ACTN1: variants seen among roughly 807,000 people sequenced by gnomAD.
ACTN1 encodes alpha-actinin-1.
Under a neutral mutation model 119.6 loss-of-function variants are expected in ACTN1, and 30 were observed. That is an observed-to-expected ratio of 0.25 (90% CI 0.19 to 0.34). The LOEUF (loss-of-function observed/expected upper bound fraction) is 0.34, where lower values mean the gene tolerates loss of function less well. ACTN1 is among the 10% of genes least tolerant of loss of function. ACTN1 has a pLI of 1.00. For synonymous variants in ACTN1, 429 were observed against 472.6 expected (o/e 0.91, Z 1.20); for missense variants, 764 against 1,223.4 (o/e 0.62, Z 5.60).
chr14:68,944,674 G>A (rs2035875740), intron 1 of ACTN1, among the ~76,000 whole-genome samples: 1 of 152,160 alleles, frequency 6.6e-6, no homozygotes, highest in Non-Finnish European at 1.5e-5. Context: ...GCTGTAGGGG[G>A]GCAGTGTGTC....
At chr14:68,895,450 G>T (rs1475741245) in intron 8 of ACTN1, among the ~76,000 whole-genome samples, 1 of 152,186 alleles carries the variant, frequency 6.6e-6, no homozygotes, top group Non-Finnish European at 1.5e-5. Context: ...GTGGGGCCAT[G>T]GGAACCAGGC....
intron 1 of ACTN1, chr14:68,936,777 G>A: frequency 1.6e-6 from 1 of 612,544 alleles, no homozygotes. Flanking sequence ...CCTCTTCCAG[G>A]AATGGCTGAA....
intron 1 of ACTN1, among the ~76,000 whole-genome samples, chr14:68,927,631 C>A (rs1398706308): frequency 2.6e-5 from 4 of 152,052 alleles, no homozygotes; most frequent in African/African-American, 4.8e-5. Context: ...CTCTTAGGGA[C>A]CCCCTGGACA....
At chr14:68,968,805 C>T (rs1437889726) in intron 1 of ACTN1, among the ~76,000 whole-genome samples, 1 of 152,212 alleles carries the variant, frequency 6.6e-6, no homozygotes, top group African/African-American at 2.4e-5. Flanking sequence ...GTGAGGATTA[C>T]ATTAATAGCT....
chr14:68,963,101 G>A (rs991554955), intron 1 of ACTN1, among the ~76,000 whole-genome samples: 8 of 151,798 alleles, frequency 5.3e-5, no homozygotes, highest in Admixed American at 2.0e-4. Flanking sequence ...ACCCTTTGCA[G>A]GCCCACCTCC....
chr14:68,951,658 A>G (rs149128350), intron 1 of ACTN1, among the ~76,000 whole-genome samples: 1 of 152,278 alleles, frequency 6.6e-6, no homozygotes, highest in Non-Finnish European at 1.5e-5. Flanking sequence ...AGGCTCCTGT[A>G]AAAGCCGGGT....
At position 68,944,339 on chromosome 14, in the gene ACTN1, C is replaced by T. The variant is rs570015534; in HGVS notation, c.106-18667G>A. Reference sequence around the variant, plus strand: ...AGGGCTTGGACTGGCCCGATGTTGGCAGCCTCCCTCACGCAGGCCACTGCA... The same window carrying T: ...AGGGCTTGGACTGGCCCGATGTTGGTAGCCTCCCTCACGCAGGCCACTGCA... On this transcript the variant is annotated intron_variant, in intron 1 of 21. Coordinates refer to ENST00000394419, the MANE Select transcript of ACTN1 (RefSeq NM_001130004.2). Among the ~76,000 whole-genome samples the T allele has an allele frequency of 2.6e-5, 4 of 152,344 alleles. No homozygotes were observed. The South Asian group carries it at 8.3e-4, about 32-fold the overall frequency.
At chr14:68,911,434 C>T (rs2033998087) in intron 4 of ACTN1, among the ~76,000 whole-genome samples, 1 of 152,226 alleles carries the variant, frequency 6.6e-6, no homozygotes, top group Non-Finnish European at 1.5e-5. Flanking sequence ...GAACTTGGAA[C>T]TCTACATTGC....
At chr14:68,961,935 T>G (rs150280598) in intron 1 of ACTN1, among the ~76,000 whole-genome samples, 20 of 152,248 alleles carry the variant, frequency 1.3e-4, no homozygotes, top group Admixed American at 3.9e-4. Context: ...CCACCCAGCC[T>G]GTACTTCTCC....
At chr14:68,889,030 G>A (rs117836393) in intron 11 of ACTN1, among the ~76,000 whole-genome samples, 3,531 of 152,266 alleles carry the variant, frequency 0.023, 74 homozygotes, top group South Asian at 0.056. Context: ...GCTGACTGGG[G>A]GAGTCTTAGG....
chr14:68,924,046 G>A (rs60861214), intron 2 of ACTN1, among the ~76,000 whole-genome samples: 3,041 of 152,312 alleles, frequency 0.02, 106 homozygotes, highest in African/African-American at 0.068. Flanking sequence ...GATTCCACTC[G>A]TACAAGGTAT....
chr14:68,886,005 C>T (rs535182304), intron 11 of ACTN1: 11 of 178,282 alleles, frequency 6.2e-5, no homozygotes, highest in African/African-American at 9.2e-5. Context: ...CCCCTTCCCT[C>T]GGTCAGTGTG....
chr14:68,894,178 G>T (rs1052768953), intron 8 of ACTN1, among the ~76,000 whole-genome samples: 1 of 152,186 alleles, frequency 6.6e-6, no homozygotes, highest in Non-Finnish European at 1.5e-5. Flanking sequence ...GGAGATGTGG[G>T]AATTCAAATC....
intron 1 of ACTN1, among the ~76,000 whole-genome samples, chr14:68,956,283 T>C (rs983090020): frequency 2.6e-5 from 4 of 152,168 alleles, no homozygotes; most frequent in South Asian, 2.1e-4. Context: ...CTGGGCAACA[T>C]GGTGAGACCC....
chr14:68,915,927 T>C (rs1423157375), intron 3 of ACTN1, among the ~76,000 whole-genome samples: 1 of 152,172 alleles, frequency 6.6e-6, no homozygotes, highest in African/African-American at 2.4e-5. Context: ...GGCAGGAGAA[T>C]CGCTTGAATT....
intron 1 of ACTN1, among the ~76,000 whole-genome samples, chr14:68,931,452 G>C (rs568313995): frequency 6.6e-5 from 10 of 152,248 alleles, no homozygotes; most frequent in Non-Finnish European, 1.0e-4. Flanking sequence ...ACCAGGAGGA[G>C]AGATGAGATG....
intron 1 of ACTN1, among the ~76,000 whole-genome samples, chr14:68,942,203 C>T (rs200722674): frequency 8.7e-6 from 1 of 115,166 alleles, no homozygotes; most frequent in Non-Finnish European, 1.9e-5. Context: ...AGGCAAAAAA[C>T]TCTGTCTCTA....
chr14:68,907,202 C>G, intron 6 of ACTN1, among the ~76,000 whole-genome samples: 1 of 142,942 alleles, frequency 7.0e-6, no homozygotes, highest in Non-Finnish European at 1.5e-5. Context: ...GCGGAGGTTG[C>G]AGTGAGCCAA....
At chr14:68,972,179 C>G (rs1406556812) in intron 1 of ACTN1, among the ~76,000 whole-genome samples, 1 of 152,190 alleles carries the variant, frequency 6.6e-6, no homozygotes, top group Non-Finnish European at 1.5e-5. Context: ...CCCACCCAGT[C>G]TTCTGTTTGC....
Sources: allele counts gnomAD v4.1 joint callset (sites outside exome capture counted in the v4.1 genomes callset), GRCh38; gene constraint gnomAD v4.1.1; transcripts MANE v1.5; gene names NCBI Gene and HGNC (gene_info 2026-07-23, HGNC 2026-07-21).